SGCZ: variants seen among roughly 807,000 people sequenced by gnomAD.
SGCZ encodes sarcoglycan zeta, also known as zeta-sarcoglycan.
SGCZ carries 40 observed loss-of-function variants against 41.3 expected under a neutral mutation model. The ratio of observed to expected loss-of-function variants is 0.97; its 90% CI spans 0.75 to 1.26. SGCZ has a LOEUF of 1.26. Among genes scored for constraint, SGCZ ranks in the 50% most tolerant of loss-of-function variants. The pLI is 0.00. For synonymous variants in SGCZ, 206 were observed against 137.5 expected, an observed-to-expected ratio of 1.50 and a Z score of -3.49; for missense variants, 552 against 369.8, an observed-to-expected ratio of 1.49 and a Z score of -4.04.
rs538236935 is a variant in SGCZ, at chr8:15,055,725, G to A, written c.39+181860C>T. On this transcript the variant is annotated intron_variant, in intron 1 of 7. Coordinates refer to ENST00000382080, the MANE Select transcript of SGCZ (RefSeq NM_139167.4). Reference sequence around the variant, plus strand: ...AGGGAGACCTTGAGAAGCAATGCTTGCGCAGCTCTCCAAGCTCTATCACAT... The same window carrying A: ...AGGGAGACCTTGAGAAGCAATGCTTACGCAGCTCTCCAAGCTCTATCACAT... Among the ~76,000 whole-genome samples, 111 of 152,230 alleles carry A rather than the reference G, an allele frequency of 7.3e-4. 1 individual carries two copies. The highest frequency in any genetic ancestry group is 1.2e-3 in the South Asian group (6 of 4,814).
At chr8:14,535,155 G>A (rs1384471276) in intron 2 of SGCZ, among the ~76,000 whole-genome samples, 1 of 151,884 alleles carries the variant, frequency 6.6e-6, no homozygotes, top group African/African-American at 2.4e-5. Flanking sequence ...GGGCTCAACT[G>A]ATATTATTAA....
chr8:14,340,613 G>A (rs1186520120), intron 2 of SGCZ, among the ~76,000 whole-genome samples: 2 of 151,954 alleles, frequency 1.3e-5, no homozygotes, highest in East Asian at 3.9e-4. Flanking sequence ...CGTTCACTGA[G>A]GTTGAAAAAA....
chr8:14,385,660 G>A (rs1040668367), intron 2 of SGCZ, among the ~76,000 whole-genome samples: 1 of 152,078 alleles, frequency 6.6e-6, no homozygotes, highest in African/African-American at 2.4e-5. Flanking sequence ...CTTATACTAT[G>A]AGGTAAATCA....
intron 1 of SGCZ, among the ~76,000 whole-genome samples, chr8:14,632,422 A>AG (rs1284382814): frequency 6.6e-6 from 1 of 152,128 alleles, no homozygotes; most frequent in Non-Finnish European, 1.5e-5. Flanking sequence ...AAATTATTTA[A>AG]GGTAGCTACT....
At chr8:14,709,154 T>C (rs898920785) in intron 1 of SGCZ, among the ~76,000 whole-genome samples, 1 of 152,206 alleles carries the variant, frequency 6.6e-6, no homozygotes, top group African/African-American at 2.4e-5. Context: ...TGTCATGATC[T>C]AAAAGCATCT....
At chr8:14,250,358 G>C (rs929654665) in intron 3 of SGCZ, among the ~76,000 whole-genome samples, 1 of 152,090 alleles carries the variant, frequency 6.6e-6, no homozygotes, top group South Asian at 2.1e-4. Flanking sequence ...CCATGGGAAA[G>C]ACTGCTCACA....
chr8:14,808,247 A>G (rs1211164169), intron 1 of SGCZ, among the ~76,000 whole-genome samples: 1 of 152,200 alleles, frequency 6.6e-6, no homozygotes, highest in African/African-American at 2.4e-5. Flanking sequence ...TAAGTAAACT[A>G]AAGAGCTTCT....
intron 1 of SGCZ, among the ~76,000 whole-genome samples, chr8:15,153,307 T>C (rs1799234729): frequency 6.6e-6 from 1 of 152,218 alleles, no homozygotes; most frequent in Admixed American, 6.5e-5. Flanking sequence ...ATGCATGATA[T>C]GCCTAACATA....
intron 2 of SGCZ, among the ~76,000 whole-genome samples, chr8:14,492,540 A>C (rs1801870210): frequency 6.6e-6 from 1 of 152,182 alleles, no homozygotes. Context: ...TTTACTCCTC[A>C]AATAGCACAA....
At chr8:15,159,993 A>AT (rs991366558) in intron 1 of SGCZ, among the ~76,000 whole-genome samples, 4 of 151,718 alleles carry the variant, frequency 2.6e-5, no homozygotes, top group Non-Finnish European at 2.9e-5. Flanking sequence ...TCAAGACCTG[A>AT]TTTTTTTGTT....
chr8:14,903,345 C>T (rs1799028318), intron 1 of SGCZ, among the ~76,000 whole-genome samples: 1 of 152,110 alleles, frequency 6.6e-6, no homozygotes, highest in Non-Finnish European at 1.5e-5. Context: ...ATCCTCACCA[C>T]TAACTGCTGA....
intron 1 of SGCZ, among the ~76,000 whole-genome samples, chr8:15,039,590 T>C (rs543330278): frequency 3.9e-5 from 6 of 152,200 alleles, no homozygotes; most frequent in Non-Finnish European, 8.8e-5. Context: ...CTACAGTCAG[T>C]CAATATTTGT....
chr8:14,822,073 TACACACAC>T lies in SGCZ; in HGVS notation c.40-267155_40-267148del, dbSNP rs57337707. On this transcript the variant is annotated intron_variant, in intron 1 of 7. Transcript: ENST00000382080. Reference sequence around the variant, plus strand: ...TTTAAATATAAAAAACCCTAAAGATTACACACACACACACACACACACACACACACACA... The same window carrying T: ...TTTAAATATAAAAAACCCTAAAGATTACACACACACACACACACACACACA... Among the ~76,000 whole-genome samples, 27 of 141,652 alleles carry T rather than the reference TACACACAC, an allele frequency of 1.9e-4. No individual in the cohort carries two copies. The East Asian group carries it at 4.0e-3, about 21-fold the overall frequency. The allele number at this position is 141,652 out of a possible 152,430, so 92.9% of individuals were successfully genotyped here.
At chr8:14,594,574 AAGC>A (rs770856737) in intron 1 of SGCZ, among the ~76,000 whole-genome samples, 3 of 150,370 alleles carry the variant, frequency 2.0e-5, no homozygotes, top group Non-Finnish European at 4.4e-5. Flanking sequence ...TAATAGAAGC[AAGC>A]AGTTTATGTC....
At chr8:15,029,893 T>A (rs1803595335) in intron 1 of SGCZ, among the ~76,000 whole-genome samples, 1 of 151,766 alleles carries the variant, frequency 6.6e-6, no homozygotes, top group African/African-American at 2.4e-5. Context: ...CTTTGTGTAG[T>A]CTCTTTCAAA....
chr8:14,420,543 A>G (rs1220854261), intron 2 of SGCZ, among the ~76,000 whole-genome samples: 1 of 152,068 alleles, frequency 6.6e-6, no homozygotes, highest in African/African-American at 2.4e-5. Flanking sequence ...ATCATCTTTA[A>G]TATACTCTTT....
chr8:14,644,189 T>C (rs1434708420), intron 1 of SGCZ, among the ~76,000 whole-genome samples: 1 of 151,734 alleles, frequency 6.6e-6, no homozygotes, highest in Admixed American at 6.6e-5. Flanking sequence ...CATCTAGATA[T>C]TGCTATAAAG....
At chr8:14,386,246 T>A (rs938529534) in intron 2 of SGCZ, among the ~76,000 whole-genome samples, 1 of 151,504 alleles carries the variant, frequency 6.6e-6, no homozygotes, top group Non-Finnish European at 1.5e-5. Context: ...CCTGCTATGA[T>A]AAATTTTGTT....
intron 1 of SGCZ, among the ~76,000 whole-genome samples, chr8:14,695,957 C>T (rs1808947882): frequency 2.0e-5 from 3 of 151,974 alleles, no homozygotes; most frequent in Admixed American, 1.3e-4. Flanking sequence ...TAAAACCTTC[C>T]AAATTGCTTC....
Sources: gnomAD v4.1 joint callset for allele counts (sites outside exome capture counted in the v4.1 genomes callset) on GRCh38, gnomAD v4.1.1 for gene constraint, MANE v1.5 for transcripts, NCBI Gene and HGNC (gene_info 2026-07-23, HGNC 2026-07-21) for gene names.